The following EHHADH variants were observed in gnomAD, a reference collection of about 807,000 sequenced individuals.
EHHADH encodes enoyl-CoA hydratase and 3-hydroxyacyl CoA dehydrogenase.
In EHHADH, 48 loss-of-function variants were observed where a neutral mutation model predicts 64.4. That is an observed-to-expected ratio of 0.75 (90% confidence interval 0.59 to 0.95). EHHADH has a LOEUF of 0.95. Ranked by LOEUF, EHHADH falls within the 40% of genes least tolerant of loss-of-function variation. EHHADH has a pLI of 0.00. For synonymous variants in EHHADH, 308 were observed against 326.7 expected (o/e 0.94, Z 0.62); for missense variants, 854 against 876.6 (o/e 0.97, Z 0.33).
chr3:185,206,695 G>A (rs1718401792), intron 5 of EHHADH, among the ~76,000 whole-genome samples: 1 of 151,970 alleles, frequency 6.6e-6, no homozygotes, highest in Non-Finnish European at 1.5e-5. Flanking sequence ...GGACATGGTG[G>A]TGTGCACCTG....
At chr3:185,238,858 C>T (rs1719372546) in intron 2 of EHHADH, among the ~76,000 whole-genome samples, 1 of 152,090 alleles carries the variant, frequency 6.6e-6, no homozygotes, top group East Asian at 1.9e-4. Flanking sequence ...AAGTTATTTG[C>T]CTAGGCCAAC....
intron 6 of EHHADH, among the ~76,000 whole-genome samples, chr3:185,196,218 G>A (rs1418779390): frequency 1.3e-5 from 2 of 151,354 alleles, no homozygotes; most frequent in Admixed American, 6.6e-5. Context: ...CTGTATCAAT[G>A]TCACTTGGCA....
In EHHADH at chr3:185,193,366, C is replaced by T; in HGVS notation, c.1032G>A (p.Leu344=). 1 of 1,613,996 alleles carries T rather than the reference C, an allele frequency of 6.2e-7. No homozygotes were observed. Among genetic ancestry groups the T allele is most frequent in the Non-Finnish European group, 8.5e-7 (1 of 1,179,976 alleles). Residue 344 remains leucine (L), a synonymous_variant, in exon 7 of 7, where the codon TTG becomes TTA. Coordinates refer to ENST00000231887, the MANE Select transcript of EHHADH (RefSeq NM_001966.4). ...ATANKMITSV[L]EKEASKMQQS... The stretch of plus-strand genomic sequence containing the variant: ...GTTGCATTTTGGAGGCTTCTTTTTC[C>T]AAGACAGAGGTTATCATCTTGTTTG...
chr3:185,191,872 AAATG>A lies in EHHADH; in HGVS notation c.*350_*353del, dbSNP rs1220266626. Reference sequence around the variant, plus strand: ...ATGTGTGTGACATTGAAAGGAGTCAAAATGAATGTATGACTTAGCTGCATTTATC... The same window carrying A: ...ATGTGTGTGACATTGAAAGGAGTCAAAATGTATGACTTAGCTGCATTTATC... On this transcript the variant is annotated 3_prime_UTR_variant, in exon 7 of 7. Coordinates refer to ENST00000231887, the MANE Select transcript of EHHADH (RefSeq NM_001966.4). 3.9e-6 allele frequency: 1 copy of A among 256,658 alleles called. No individual in the cohort carries two copies. The highest frequency in any genetic ancestry group is 7.5e-6 in the Non-Finnish European group (1 of 133,866). 15.9% of individuals were successfully genotyped at this position (256,658 alleles called of 1,614,324 possible).
intron 2 of EHHADH, among the ~76,000 whole-genome samples, chr3:185,236,378 C>A (rs1230690009): frequency 1.4e-5 from 2 of 146,416 alleles, no homozygotes; most frequent in Non-Finnish European, 3.0e-5. Flanking sequence ...CCCACCCTCC[C>A]AGGCCTGCAC....
chr3:185,227,274 T>G (rs573840886), intron 4 of EHHADH, among the ~76,000 whole-genome samples: 1 of 152,386 alleles, frequency 6.6e-6, no homozygotes, highest in Non-Finnish European at 1.5e-5. Flanking sequence ...AGCTCACGCC[T>G]GTAATCCCAG....
At chr3:185,217,142 G>C (rs1323205388) in intron 5 of EHHADH, among the ~76,000 whole-genome samples, 1 of 152,178 alleles carries the variant, frequency 6.6e-6, no homozygotes, top group Non-Finnish European at 1.5e-5. Flanking sequence ...TGAGGTGGGA[G>C]CCTGGTGGGA....
At chr3:185,240,880 T>C (rs961422921) in intron 2 of EHHADH, among the ~76,000 whole-genome samples, 3 of 152,106 alleles carry the variant, frequency 2.0e-5, no homozygotes, top group African/African-American at 7.2e-5. Flanking sequence ...TTAGTGGTGA[T>C]CTGTGAGATT....
chr3:185,222,991 T>G (rs942388243), intron 4 of EHHADH, among the ~76,000 whole-genome samples: 2 of 152,194 alleles, frequency 1.3e-5, no homozygotes, highest in Non-Finnish European at 2.9e-5. Context: ...AAGAATTATC[T>G]CCTCATCAGT....
intron 3 of EHHADH, among the ~76,000 whole-genome samples, chr3:185,234,444 TG>T: frequency 6.6e-6 from 1 of 152,358 alleles, no homozygotes; most frequent in East Asian, 1.9e-4. Context: ...AAACCTGATA[TG>T]GGTCATAGTA....
chr3:185,220,357 C>G (rs1440112170), intron 4 of EHHADH, among the ~76,000 whole-genome samples: 2 of 152,124 alleles, frequency 1.3e-5, no homozygotes, highest in African/African-American at 4.8e-5. Context: ...ATTTACTGTA[C>G]CTTTTCTATG....
intron 2 of EHHADH, among the ~76,000 whole-genome samples, chr3:185,237,894 C>T (rs1719339663): frequency 6.6e-6 from 1 of 152,102 alleles, no homozygotes; most frequent in Non-Finnish European, 1.5e-5. Context: ...CTTTTCAACC[C>T]TCACCCCAAC....
At chr3:185,245,208 G>C (rs973814233) in intron 2 of EHHADH, among the ~76,000 whole-genome samples, 1 of 151,952 alleles carries the variant, frequency 6.6e-6, no homozygotes, top group Non-Finnish European at 1.5e-5. Flanking sequence ...TTTTACAGAA[G>C]TCTATGAACG....
At chr3:185,224,057 G>C (rs1718905313) in intron 4 of EHHADH, among the ~76,000 whole-genome samples, 1 of 152,138 alleles carries the variant, frequency 6.6e-6, no homozygotes, top group African/African-American at 2.4e-5. Flanking sequence ...AGATCAGAAA[G>C]GGTTAGCCAC....
At chr3:185,203,582 A>T (rs1370941035) in intron 6 of EHHADH, among the ~76,000 whole-genome samples, 1 of 152,190 alleles carries the variant, frequency 6.6e-6, no homozygotes, top group Non-Finnish European at 1.5e-5. Context: ...TCAGGGAGCT[A>T]GCATCTGAGG....
At chr3:185,211,014 C>A (rs529914830) in intron 5 of EHHADH, among the ~76,000 whole-genome samples, 1 of 152,172 alleles carries the variant, frequency 6.6e-6, no homozygotes, top group African/African-American at 2.4e-5. Context: ...ACTAAGCATA[C>A]CCACTGGAAA....
intron 2 of EHHADH, among the ~76,000 whole-genome samples, chr3:185,242,301 G>A (rs923776521): frequency 2.6e-5 from 4 of 151,996 alleles, no homozygotes; most frequent in Non-Finnish European, 4.4e-5. Context: ...ATTCTTCACA[G>A]AATTAGAAAA....
chr3:185,236,023 T>A (rs1719283101), intron 2 of EHHADH, among the ~76,000 whole-genome samples: 1 of 152,156 alleles, frequency 6.6e-6, no homozygotes, highest in African/African-American at 2.4e-5. Context: ...TTATCTTCAA[T>A]AAAAATAATA....
chr3:185,217,631 C>T (rs1050052325), intron 5 of EHHADH, among the ~76,000 whole-genome samples: 2 of 151,852 alleles, frequency 1.3e-5, no homozygotes, highest in Non-Finnish European at 2.9e-5. Context: ...TCCTGCTTCA[C>T]GTTCAACCAC....
Sources: allele counts gnomAD v4.1 joint callset (sites outside exome capture counted in the v4.1 genomes callset), GRCh38; gene constraint gnomAD v4.1.1; transcripts MANE v1.5; gene names NCBI Gene and HGNC (gene_info 2026-07-23, HGNC 2026-07-21).